PLEKHA4: variants seen among roughly 807,000 people sequenced by gnomAD.
PLEKHA4 encodes the protein pleckstrin homology domain containing A4.
In PLEKHA4, 73 loss-of-function variants were observed where a neutral mutation model predicts 94.7. That is an observed-to-expected ratio of 0.77 (90% CI 0.64 to 0.94). The LOEUF is 0.94. PLEKHA4 is among the 40% of genes least tolerant of loss of function. The pLI is 0.00. For missense variants in PLEKHA4, 1,049 were observed against 1,054.1 expected (o/e 1.00, Z 0.07); for synonymous variants, 449 against 437.1 (o/e 1.03, Z -0.34).
chr19:48,861,285 C>A, intron 5 of PLEKHA4, 116 bp downstream of exon 5: 1 of 879,052 alleles, frequency 1.1e-6, no homozygotes, highest in Non-Finnish European at 1.9e-6. Flanking sequence ...GACCTTTTAT[C>A]TCCAGTAATG....
In PLEKHA4 at chr19:48,857,479, G is replaced by C. The variant is rs778377266; in HGVS notation, c.990C>G (p.Pro330=). The C allele has an allele frequency of 3.2e-6, 5 of 1,561,338 alleles. No individual in the cohort carries two copies. Among genetic ancestry groups the C allele is most frequent in the Admixed American group, 1.9e-5 (1 of 52,014 alleles). The change falls in exon 9 of 20, where the codon CCC becomes CCG. Residue 330 remains proline (P), a synonymous_variant. Coordinates refer to ENST00000263265, the MANE Select transcript of PLEKHA4 (RefSeq NM_020904.3). ...GCCGCGGGGGGAGCTGGAGATAAGT[G>C]GGGGAGCCAGAGTGTGCCTGGGAGG... ...EPRTQAHSGS[P]TYLQLPPRPP...
intron 16 of PLEKHA4, among the ~76,000 whole-genome samples, chr19:48,842,260 C>G (rs1027100569): frequency 6.6e-6 from 1 of 151,208 alleles, no homozygotes; most frequent in African/African-American, 2.4e-5. Context: ...TTCTCTGCCT[C>G]GGCCTCTCAA....
chr19:48,867,804 A>G lies in PLEKHA4; in HGVS notation c.-6-178T>C, dbSNP rs963753003. The stretch of plus-strand genomic sequence containing the variant: ...TACCAAGAGTGGTGCCAAGAGAGGT[A>G]GGCGGCCCTGGCAGCTGCGGGAGGG... On this transcript the variant is annotated intron_variant, in intron 1 of 19. Coordinates refer to ENST00000263265, the MANE Select transcript of PLEKHA4 (RefSeq NM_020904.3). This position sits in a 1 kb window ranked among gnomAD's most constrained non-coding sequence, Gnocchi z 4.7. Among the ~76,000 whole-genome samples, 4 of 152,192 alleles carry G rather than the reference A, an allele frequency of 2.6e-5. No individual in the cohort carries two copies. Among genetic ancestry groups the G allele is most frequent in the African/African-American group, 9.6e-5 (4 of 41,516 alleles).
At chr19:48,857,621 C>A in intron 8 of PLEKHA4, 125 bp from the exon 9 acceptor site, 1 of 630,562 alleles carries the variant, frequency 1.6e-6, no homozygotes, top group South Asian at 1.7e-5. Context: ...TTACCCCCAA[C>A]CCTGTGCTCT....
At chr19:48,849,465 C>T (rs2036099280) in intron 13 of PLEKHA4, among the ~76,000 whole-genome samples, 1 of 152,076 alleles carries the variant, frequency 6.6e-6, no homozygotes. Flanking sequence ...TGCACCAGCA[C>T]ACCCAGCAAA....
In PLEKHA4 at chr19:48,867,651, G is replaced by T; in HGVS notation, c.-6-25C>A. 1 of 1,566,766 alleles carries T rather than the reference G, an allele frequency of 6.4e-7. No homozygotes were observed. Among genetic ancestry groups the T allele is most frequent in the Non-Finnish European group, 8.7e-7 (1 of 1,154,988 alleles). On this transcript the variant is annotated intron_variant, in intron 1 of 19. Coordinates refer to ENST00000263265, the MANE Select transcript of PLEKHA4 (RefSeq NM_020904.3). This position sits in a 1 kb window ranked among gnomAD's most constrained non-coding sequence, Gnocchi z 4.7. ...GCTGGGGGAGAGAAAGAAAGGGGCT[G>T]TGTCTCTGCAGTGACGGGTGTGAGA...
At chr19:48,860,183 T>G (rs1055943068) in intron 6 of PLEKHA4, 167 bp downstream of exon 6, 11 of 612,670 alleles carry the variant, frequency 1.8e-5, no homozygotes, top group Non-Finnish European at 5.8e-6. Flanking sequence ...GAAAGACTTT[T>G]GCTGATTGGA....
At chr19:48,853,419 T>A (rs984976432) in intron 12 of PLEKHA4, among the ~76,000 whole-genome samples, 2 of 151,742 alleles carry the variant, frequency 1.3e-5, no homozygotes, top group African/African-American at 4.8e-5. Flanking sequence ...TAATCCCAGT[T>A]ACTCAGGAGG....
rs763348951 is a variant in PLEKHA4, at chr19:48,858,931, G to C, written c.901C>G (p.Pro301Ala). The C allele has an allele frequency of 1.9e-6, 3 of 1,601,722 alleles. No individual in the cohort carries two copies. Among genetic ancestry groups the C allele is most frequent in the South Asian group, 1.1e-5 (1 of 89,672 alleles). ...TTTCCTCCCCCAGCCTCAGAGGGAG[G>C]TCCTCGGCGGGGAGTAGGGGGTCGG... ...LSRPPTPRRG[P>A]PSEAGGGKPP... The change falls in exon 8 of 20, where the codon CCT (proline) becomes GCT (alanine). Residue 301 changes from proline to alanine, a missense_variant. Coordinates refer to ENST00000263265, the MANE Select transcript of PLEKHA4 (RefSeq NM_020904.3).
Position 48,848,171 on chromosome 19 carries a change from G to A in PLEKHA4, c.1426-131C>T, listed in dbSNP as rs542539963. On this transcript the variant is annotated intron_variant, in intron 13 of 19. Transcript: ENST00000263265. ...AGTTGGGATTTATTTTTTTTCCCATGTGGTTATCCAGTTGAATTGAAAAAA... is the reference window on the plus strand; with the variant it reads ...AGTTGGGATTTATTTTTTTTCCCATATGGTTATCCAGTTGAATTGAAAAAA... The A allele has an allele frequency of 1.3e-5, 14 of 1,077,976 alleles. No homozygotes were observed. The East Asian group carries it at 2.9e-4, about 22-fold the overall frequency. 66.8% of individuals were successfully genotyped at this position (1,077,976 alleles called of 1,614,324 possible).
At position 48,838,122 on chromosome 19, in the gene PLEKHA4, T is replaced by C. The variant is rs1164023972; in HGVS notation, c.1972A>G (p.Asn658Asp). The C allele has an allele frequency of 6.2e-7, 1 of 1,605,634 alleles. No individual in the cohort carries two copies. ...RSSGSWSSPR[N>D]TTPYLPTSEG... ...GAAGTCGGCAAGTAAGGGGTGGTGT[T>C]CCTTGGACTAGAAAAAAAAAGAAGA... Residue 658 changes from asparagine to aspartate, a missense_variant, in exon 19 of 20, where the codon AAC becomes GAC. By Grantham distance (23) the Asn-to-Asp change is conservative. Coordinates refer to ENST00000263265, the MANE Select transcript of PLEKHA4 (RefSeq NM_020904.3).
intron 13 of PLEKHA4, among the ~76,000 whole-genome samples, chr19:48,850,685 T>C (rs1216223156): frequency 6.7e-6 from 1 of 149,848 alleles, no homozygotes; most frequent in Non-Finnish European, 1.5e-5. Context: ...GACATGGTGG[T>C]GCATGCCTGT....
chr19:48,837,321 G>C lies in PLEKHA4; in HGVS notation c.2308C>G (p.Leu770Val), dbSNP rs2035564913. Residue 770 changes from leucine to valine, a missense_variant, in exon 20 of 20, where the codon CTG becomes GTG. Coordinates refer to ENST00000263265, the MANE Select transcript of PLEKHA4 (RefSeq NM_020904.3). This position sits in a 1 kb window ranked among gnomAD's most constrained non-coding sequence, Gnocchi z 4.3. ...VLPQDEGAWP[L>V]RVTLLQSSF ...CTGGATTGTAGCAGAGTGACTCGCA[G>C]AGGCCATGCCCCCTCGTCTTGTGGC... 1 of 1,613,854 alleles carries C rather than the reference G, an allele frequency of 6.2e-7. No homozygotes were observed. Among genetic ancestry groups the C allele is most frequent in the Admixed American group, 1.7e-5 (1 of 59,984 alleles).
At chr19:48,865,965 G>T (rs867950628) in intron 2 of PLEKHA4, among the ~76,000 whole-genome samples, 3 of 150,950 alleles carry the variant, frequency 2.0e-5, no homozygotes, top group Non-Finnish European at 4.4e-5. Flanking sequence ...AGTGAGCCGA[G>T]ATCGCACCAC....
At position 48,865,265 on chromosome 19, in the gene PLEKHA4, ACTGGAGGCCAGAGGTTGCATTGAG is replaced by A. The variant is rs1380110281; in HGVS notation, c.192+214_192+237del. ...AGGCTGAGGCACGAGAATTGCTTGAACTGGAGGCCAGAGGTTGCATTGAGCCGAGATCATACCACTGCCCTCCAG... is the reference window on the plus strand; with the variant it reads ...AGGCTGAGGCACGAGAATTGCTTGAACCGAGATCATACCACTGCCCTCCAG... On this transcript the variant is annotated intron_variant, in intron 3 of 19. Coordinates refer to ENST00000263265, the MANE Select transcript of PLEKHA4 (RefSeq NM_020904.3). Among the ~76,000 whole-genome samples the A allele has an allele frequency of 2.0e-5, 3 of 152,142 alleles. No homozygotes were observed. The East Asian group carries it at 5.8e-4, about 29-fold the overall frequency.
chr19:48,851,552 G>A (rs1274236800), intron 13 of PLEKHA4, among the ~76,000 whole-genome samples: 1 of 152,038 alleles, frequency 6.6e-6, no homozygotes. Flanking sequence ...GGAGGCAGAG[G>A]TTGTGGTGAG....
rs180766345 is a variant in PLEKHA4 at position 48,868,107 on chromosome 19, G to T, written c.-31C>A. On this transcript the variant is annotated 5_prime_UTR_variant, in exon 1 of 20. Transcript: ENST00000263265. ...CCCAGCTCTGGGGTCCCAGTGACGG[G>T]GGGGCAAGAGGACGGTGTGGGTGCT... The T allele has an allele frequency of 3.5e-3, 563 of 162,154 alleles. No homozygotes were observed. The highest frequency in any genetic ancestry group is 0.012 in the African/African-American group (502 of 41,770). The allele number at this position is 162,154 out of a possible 1,614,324, so 10.0% of individuals were successfully genotyped here.
At position 48,859,397 on chromosome 19, in the gene PLEKHA4, G is replaced by T. The variant is rs1358478760; in HGVS notation, c.692+72C>A. 6 of 1,528,418 alleles carry T rather than the reference G, an allele frequency of 3.9e-6. No homozygotes were observed. The African/African-American group carries it at 5.5e-5, about 14-fold the overall frequency. 94.7% of individuals were successfully genotyped at this position (1,528,418 alleles called of 1,614,324 possible). On this transcript the variant is annotated intron_variant, in intron 7 of 19. Transcript: ENST00000263265. ...ACACACTCAAGCAGAAAGCGCTAAGGCCCGCCCCCAACCAGTTTCCGGCCC... is the reference window on the plus strand; with the variant it reads ...ACACACTCAAGCAGAAAGCGCTAAGTCCCGCCCCCAACCAGTTTCCGGCCC...
At chr19:48,847,616 C>G (rs1175656956) in intron 14 of PLEKHA4, among the ~76,000 whole-genome samples, 4 of 152,106 alleles carry the variant, frequency 2.6e-5, no homozygotes, top group African/African-American at 9.7e-5. Context: ...CCTGTAATCA[C>G]AGCTACTTCG....
Sources: gnomAD v4.1 joint callset for allele counts (sites outside exome capture counted in the v4.1 genomes callset) on GRCh38, gnomAD v4.1.1 for gene constraint, Gnocchi (gnomAD v3.1) non-coding constraint, MANE v1.5 for transcripts, NCBI Gene and HGNC (gene_info 2026-07-23, HGNC 2026-07-21) for gene names.